Variants in CFH observed in about 807,000 individuals in gnomAD.
The protein encoded by CFH is H factor 1 (complement).
In CFH, 53 loss-of-function variants were observed where a neutral mutation model predicts 147.3. That is an observed-to-expected ratio of 0.36 (90% confidence interval 0.29 to 0.45). The LOEUF (loss-of-function observed/expected upper bound fraction) is 0.45, where lower values mean the gene tolerates loss of function less well. Ranked by LOEUF, CFH falls within the 20% of genes least tolerant of loss-of-function variation. The pLI is 1.00. For missense variants in CFH, 1,380 were observed against 1,498.0 expected (o/e 0.92, Z 1.30); for synonymous variants, 536 against 489.4 (o/e 1.10, Z -1.26).
chr1:196,652,043 A>G lies in CFH; in HGVS notation c.-75A>G. ...CAGCAAGTTCTTTCCTGCACTAATCACAATTCTTGGAAGAGGAGAACTGGA... is the reference window on the plus strand; with the variant it reads ...CAGCAAGTTCTTTCCTGCACTAATCGCAATTCTTGGAAGAGGAGAACTGGA... On this transcript the variant is annotated 5_prime_UTR_variant, in exon 1 of 22. Coordinates refer to ENST00000367429, the MANE Select transcript of CFH (RefSeq NM_000186.4). 2.8e-6 allele frequency: 3 copies of G among 1,054,464 alleles called. No homozygotes were observed. The highest frequency in any genetic ancestry group is 4.5e-6 in the Non-Finnish European group (3 of 671,522). The allele number at this position is 1,054,464 out of a possible 1,614,324, so 65.3% of individuals were successfully genotyped here.
Position 196,725,101 on chromosome 1 carries a change from ATTATTTTACC to A in CFH, c.1697-17_1697-8del, listed in dbSNP as rs1282388553. 1 of 1,598,362 alleles carries A rather than the reference ATTATTTTACC, an allele frequency of 6.3e-7. No individual in the cohort carries two copies. Among genetic ancestry groups the A allele is most frequent in the Non-Finnish European group, 8.6e-7 (1 of 1,167,548 alleles). On this transcript the variant is annotated splice_polypyrimidine_tract_variant and intron_variant, in intron 11 of 21. Coordinates refer to ENST00000367429, the MANE Select transcript of CFH (RefSeq NM_000186.4). ...ATGATTAATTATATATTCTCATGAA[ATTATTTTACC>A]TTTTTCAAGAAAGAGAATGCGAACT...
chr1:196,662,806 AG>A (rs1267681506), intron 1 of CFH, among the ~76,000 whole-genome samples: 3 of 152,036 alleles, frequency 2.0e-5, no homozygotes, highest in African/African-American at 4.8e-5. Flanking sequence ...ACTTGAGCCC[AG>A]GGGGTCAGGG....
intron 10 of CFH, 113 bp from the exon 11 acceptor site, chr1:196,715,480 A>G (rs1668847645): frequency 1.3e-6 from 1 of 793,906 alleles, no homozygotes; most frequent in Admixed American, 2.0e-5. Flanking sequence ...TTTGTACGGT[A>G]CCTATTTATT....
chr1:196,674,487 C>T (rs1044559284), intron 3 of CFH, among the ~76,000 whole-genome samples: 1 of 152,146 alleles, frequency 6.6e-6, no homozygotes, highest in African/African-American at 2.4e-5. Flanking sequence ...GACTCTGTTC[C>T]TTCTAACCAA....
chr1:196,687,583 C>T (rs1379066787), intron 7 of CFH, among the ~76,000 whole-genome samples: 1 of 151,992 alleles, frequency 6.6e-6, no homozygotes, highest in Non-Finnish European at 1.5e-5. Flanking sequence ...GAAATCTCTA[C>T]TCTACCATTT....
At chr1:196,673,835 A>T (rs1164568101) in intron 2 of CFH, 22 bp from the exon 3 acceptor site, 1 of 1,468,810 alleles carries the variant, frequency 6.8e-7, no homozygotes, top group East Asian at 2.3e-5. Context: ...ATACTAATTC[A>T]TAACTTTTTT....
intron 1 of CFH, among the ~76,000 whole-genome samples, chr1:196,665,594 T>A (rs1667054625): frequency 6.6e-6 from 1 of 152,018 alleles, no homozygotes; most frequent in Admixed American, 6.5e-5. Context: ...CAGTGGGTTT[T>A]ATTTTTTATT....
chr1:196,738,716 G>A (rs576371176), intron 17 of CFH, among the ~76,000 whole-genome samples: 1 of 152,288 alleles, frequency 6.6e-6, no homozygotes, highest in South Asian at 2.1e-4. Flanking sequence ...AGTGTCTGTG[G>A]CTTTTCCAGG....
At chr1:196,692,557 TTTC>T (rs1191590507) in intron 9 of CFH, among the ~76,000 whole-genome samples, 1 of 131,282 alleles carries the variant, frequency 7.6e-6, no homozygotes, top group Non-Finnish European at 1.6e-5. Flanking sequence ...TTTTTCTTTC[TTTC>T]TTCTTTCTTT....
chr1:196,657,838 C>A (rs1666756851), intron 1 of CFH, among the ~76,000 whole-genome samples: 1 of 151,894 alleles, frequency 6.6e-6, no homozygotes, highest in African/African-American at 2.4e-5. Flanking sequence ...AATAATTGAA[C>A]AAAGAGACCA....
At chr1:196,731,976 T>A (rs1478228695) in intron 15 of CFH, among the ~76,000 whole-genome samples, 3 of 152,062 alleles carry the variant, frequency 2.0e-5, no homozygotes, top group African/African-American at 7.2e-5. Context: ...CTATCTTTCA[T>A]TAAACTTATT....
At chr1:196,669,325 A>G (rs1349266811) in intron 1 of CFH, among the ~76,000 whole-genome samples, 4 of 152,212 alleles carry the variant, frequency 2.6e-5, no homozygotes, top group Non-Finnish European at 5.9e-5. Context: ...AAATCTGTGT[A>G]AGGAATGAGG....
intron 18 of CFH, 108 bp downstream of exon 18, chr1:196,740,900 C>G (rs1215358565): frequency 3.7e-5 from 42 of 1,142,938 alleles, no homozygotes; most frequent in Non-Finnish European, 5.3e-5. Context: ...ATAAGGTTTT[C>G]TTGAATATTC....
intron 9 of CFH, among the ~76,000 whole-genome samples, chr1:196,707,805 A>T (rs10733086): frequency 0.62 from 94,779 of 152,056 alleles, 30,067 homozygotes; most frequent in East Asian, 0.93. Flanking sequence ...TCTTCTTGAC[A>T]ACTACAATAG....
chr1:196,670,124 G>C (rs1369340495), intron 1 of CFH, among the ~76,000 whole-genome samples: 1 of 152,136 alleles, frequency 6.6e-6, no homozygotes, highest in African/African-American at 2.4e-5. Flanking sequence ...ATTTGGGATG[G>C]GAGCATTTAC....
At chr1:196,671,673 A>G (rs886218366) in intron 1 of CFH, among the ~76,000 whole-genome samples, 4 of 149,204 alleles carry the variant, frequency 2.7e-5, no homozygotes, top group African/African-American at 4.9e-5. Context: ...AAATATGTGT[A>G]TATATATATA....
At chr1:196,678,797 T>G (rs1283844460) in intron 5 of CFH, 8 of 152,020 alleles carry the variant, frequency 5.3e-5, no homozygotes, top group African/African-American at 1.9e-4. Flanking sequence ...TTAAGGAGCA[T>G]GAAGCACCAC....
chr1:196,661,198 T>C (rs1666889789), intron 1 of CFH, among the ~76,000 whole-genome samples: 1 of 152,232 alleles, frequency 6.6e-6, no homozygotes, highest in South Asian at 2.1e-4. Flanking sequence ...ATGAGTTCAC[T>C]AATACAAATT....
Position 196,728,373 on chromosome 1 carries a change from C to T in CFH, c.2264C>T (p.Ser755Leu), listed in dbSNP as rs868751590. Residue 755 changes from serine to leucine, a missense_variant, in exon 15 of 22, where the codon TCA becomes TTA. By Grantham distance (145) the Ser-to-Leu change is moderately radical. Transcript: ENST00000367429. ...VAIDKLKKCK[S>L]SNLIILEEHL... ...ATAGATAAACTTAAGAAGTGCAAAT[C>T]ATCAAATTTAATTATACTTGAGGAA... 1.3e-6 allele frequency: 2 copies of T among 1,559,626 alleles called. No individual in the cohort carries two copies. Among genetic ancestry groups the T allele is most frequent in the Middle Eastern group, 1.7e-4 (1 of 5,826 alleles).
Sources: allele counts gnomAD v4.1 joint callset (sites outside exome capture counted in the v4.1 genomes callset), GRCh38; gene constraint gnomAD v4.1.1; transcripts MANE v1.5; gene names NCBI Gene and HGNC (gene_info 2026-07-23, HGNC 2026-07-21).